Variants in ADAM33 observed in about 807,000 individuals in gnomAD.
ADAM33 encodes the protein ADAM metallopeptidase domain 33.
A neutral mutation model predicts 106.2 loss-of-function variants in ADAM33; 103 were observed. The ratio of observed to expected loss-of-function variants is 0.97; its 90% confidence interval spans 0.83 to 1.14. The LOEUF is 1.14. Among genes scored for constraint, ADAM33 ranks in the 50% most tolerant of loss-of-function variants. The pLI is 0.00. For missense variants in ADAM33, 1,120 were observed against 1,096.6 expected, an observed-to-expected ratio of 1.02 and a Z score of -0.30; for synonymous variants, 483 against 453.0, an observed-to-expected ratio of 1.07 and a Z score of -0.84.
chr20:3,671,309 C>T lies in ADAM33; in HGVS notation c.2020G>A (p.Gly674Ser). ...NSNHNCHCAP[G>S]WAPPFCDKPG... ...TTGTCACAGAAGGGTGGAGCCCAGC[C>T]TGGAGCACAGTGGCAGTTATGGTTG... The change falls in exon 18 of 22, where the codon GGC (glycine) becomes AGC (serine). Residue 674 changes from glycine (G) to serine (S), a missense_variant. Physicochemically the swap from Gly to Ser is moderately conservative, Grantham distance 56 (BLOSUM62 0). Transcript: ENST00000356518. The T allele has an allele frequency of 6.2e-7, 1 of 1,614,054 alleles. No individual in the cohort carries two copies. The highest frequency in any genetic ancestry group is 8.5e-7 in the Non-Finnish European group (1 of 1,179,996).
rs554093152 is a variant in ADAM33, at chr20:3,674,286, T to G, written c.601-2A>C. 1.2e-6 allele frequency: 2 copies of G among 1,613,860 alleles called. No homozygotes were observed. The highest frequency in any genetic ancestry group is 4.5e-5 in the East Asian group (2 of 44,886). ...GGTCCTGCGCGCTTCTCGCCTGCCC[T>G]GCGGAGGTGCAAATGGGGACCCTGA... On this transcript the variant is annotated splice_acceptor_variant, in intron 6 of 21. Transcript: ENST00000356518. LOFTEE classifies it high-confidence loss of function.
chr20:3,676,927 A>C (rs2088017591), intron 3 of ADAM33, 140 bp downstream of exon 3: 1 of 887,814 alleles, frequency 1.1e-6, no homozygotes. Flanking sequence ...GGAGCCAACC[A>C]CAGGCCTGCG....
At chr20:3,669,258 G>T in intron 21 of ADAM33, 41 bp downstream of exon 21, 1 of 1,524,844 alleles carries the variant, frequency 6.6e-7, no homozygotes, top group Non-Finnish European at 8.8e-7. Flanking sequence ...GGGAGGGTGG[G>T]CGATGAGAGG....
chr20:3,672,097 T>C, intron 14 of ADAM33, 37 bp downstream of exon 14: 1 of 1,597,998 alleles, frequency 6.3e-7, no homozygotes, highest in South Asian at 1.1e-5. Flanking sequence ...CACCAGAGGA[T>C]GGGGGGCAGG....
At chr20:3,680,671 C>G (rs1425724817) in intron 1 of ADAM33, among the ~76,000 whole-genome samples, 1 of 152,124 alleles carries the variant, frequency 6.6e-6, no homozygotes, top group Non-Finnish European at 1.5e-5. Context: ...GGTCTCTCAG[C>G]CCAGAGAGCA....
In ADAM33 at chr20:3,669,350, G is replaced by A; in HGVS notation, c.2353C>T (p.Pro785Ser). 2.5e-6 allele frequency: 4 copies of A among 1,605,124 alleles called. No individual in the cohort carries two copies. The highest frequency in any genetic ancestry group is 3.4e-6 in the Non-Finnish European group (4 of 1,177,776). The change falls in exon 21 of 22, where the codon CCC becomes TCC. Residue 785 changes from proline to serine, a missense_variant. Physicochemically the swap from Pro to Ser is moderately conservative, Grantham distance 74 (BLOSUM62 -1). Transcript: ENST00000356518. The stretch of plus-strand genomic sequence containing the variant: ...AGAGGCTTCTCAGGGTGGCTGCTGG[G>A]CTCATGAGAGTTCTCAGGGTCTGGG... ...WPLDPENSHE[P>S]SSHPEKPLPA...
chr20:3,674,468 C>T (rs2087801712), intron 6 of ADAM33, 36 bp downstream of exon 6: 1 of 1,609,382 alleles, frequency 6.2e-7, no homozygotes, highest in Admixed American at 1.7e-5. Flanking sequence ...GCTATAGATA[C>T]AGCATTCCCA....
In ADAM33 at chr20:3,668,870, G is replaced by T; in HGVS notation, c.*93C>A. The T allele has an allele frequency of 6.9e-7, 1 of 1,459,156 alleles. No individual in the cohort carries two copies. The highest frequency in any genetic ancestry group is 9.6e-7 in the Non-Finnish European group (1 of 1,042,664). 90.4% of individuals were successfully genotyped at this position (1,459,156 alleles called of 1,614,324 possible). On this transcript the variant is annotated 3_prime_UTR_variant, in exon 22 of 22. Transcript: ENST00000356518. ...GCTGCCTGCAGGTGCTGGAGGTCCGGTGATTCACTGGCTCTGCCCCTGCAG... is the reference window on the plus strand; with the variant it reads ...GCTGCCTGCAGGTGCTGGAGGTCCGTTGATTCACTGGCTCTGCCCCTGCAG...
At chr20:3,669,508 T>A in intron 20 of ADAM33, 38 bp downstream of exon 20, 1 of 1,549,688 alleles carries the variant, frequency 6.5e-7, no homozygotes, top group South Asian at 1.2e-5. Flanking sequence ...CCTTCCCTTC[T>A]CCCTTCCCTC....
chr20:3,681,813 TC>T, intron 1 of ADAM33, 94 bp downstream of exon 1: 1 of 1,467,976 alleles, frequency 6.8e-7, no homozygotes, highest in African/African-American at 1.5e-5. Flanking sequence ...CGTGAGACCC[TC>T]CGCGCGCTGA....
chr20:3,678,536 G>A (rs1483614246), intron 2 of ADAM33, among the ~76,000 whole-genome samples: 2 of 152,230 alleles, frequency 1.3e-5, no homozygotes, highest in East Asian at 1.9e-4. Flanking sequence ...ATGGGCCTAG[G>A]GGATCCCAGT....
chr20:3,671,821 C>G (rs1460056131), intron 15 of ADAM33, 42 bp from the exon 16 acceptor site: 1 of 1,551,694 alleles, frequency 6.4e-7, no homozygotes, highest in Admixed American at 2.0e-5. Context: ...GCAGTACCCC[C>G]CTTCCCCAAA....
chr20:3,673,028 C>T (rs2087658850), intron 11 of ADAM33, 130 bp from the exon 12 acceptor site: 2 of 1,434,438 alleles, frequency 1.4e-6, no homozygotes, highest in South Asian at 3.0e-5. Flanking sequence ...GTAACCCGCG[C>T]AAAGTCACAC....
In ADAM33 at chr20:3,674,081, C is replaced by A. The variant is rs1346760760; in HGVS notation, c.721G>T (p.Ala241Ser). ...CCCCCAACCTGGTCCACGTAGTTGG[C>A]GACTTCCAGGAGACGCTGTTTGGTG... ...NHTKQRLLEV[A>S]NYVDQLLRTL... Residue 241 changes from alanine to serine, a missense_variant, in exon 8 of 22, where the codon GCC becomes TCC. Ala to Ser is a moderately conservative substitution (Grantham distance 99). Coordinates refer to ENST00000356518, the MANE Select transcript of ADAM33 (RefSeq NM_025220.5). 7 of 1,614,072 alleles carry A rather than the reference C, an allele frequency of 4.3e-6. No individual in the cohort carries two copies. The highest frequency in any genetic ancestry group is 5.9e-6 in the Non-Finnish European group (7 of 1,180,044).
chr20:3,678,346 C>T (rs895197417), intron 2 of ADAM33, among the ~76,000 whole-genome samples: 1 of 152,326 alleles, frequency 6.6e-6, no homozygotes, highest in South Asian at 2.1e-4. Context: ...AGGGGCCCAC[C>T]GGTGGGGGAA....
In ADAM33 at chr20:3,673,372, ACGCAGCCTCCGGACTCGGC is replaced by A. The variant is rs754186489; in HGVS notation, c.1096_1114del (p.Ala366SerfsTer97). The A allele has an allele frequency of 3.2e-6, 5 of 1,540,594 alleles. No individual in the cohort carries two copies. The African/African-American group carries it at 4.1e-5, about 13-fold the overall frequency. ...CGCGTACCCGGTGGCCGCAGCCATG[ACGCAGCCTCCGGACTCGGC>A]CGCAGCCTCCACGCAGCAGCCGTCG... On this transcript the variant is annotated frameshift_variant, in exon 11 of 22. Coordinates refer to ENST00000356518, the MANE Select transcript of ADAM33 (RefSeq NM_025220.5). LOFTEE classifies it high-confidence loss of function.
In ADAM33 at chr20:3,675,664, C is replaced by A. The variant is rs539208334; in HGVS notation, c.255-559G>T. On this transcript the variant is annotated intron_variant, in intron 3 of 21. Coordinates refer to ENST00000356518, the MANE Select transcript of ADAM33 (RefSeq NM_025220.5). This position sits in a 1 kb window ranked among gnomAD's most constrained non-coding sequence, Gnocchi z 4.1. ...CCCCTGCCTCCAGAGAAAACAGAAT[C>A]GCCACCTGCCCACGCTGCTTCCACC... 2.6e-5 allele frequency among the ~76,000 whole-genome samples: 4 copies of A among 152,134 alleles called. No homozygotes were observed. The highest frequency in any genetic ancestry group is 4.4e-5 in the Non-Finnish European group (3 of 68,026).
At position 3,671,631 on chromosome 20, in the gene ADAM33, G is replaced by T; in HGVS notation, c.1855C>A (p.Leu619Met). 6.3e-7 allele frequency: 1 copy of T among 1,580,272 alleles called. No individual in the cohort carries two copies. The highest frequency in any genetic ancestry group is 8.6e-7 in the Non-Finnish European group (1 of 1,162,526). ...GGCTCTACCAGGCCCAGGCCAAGCA[G>T]GTCCAGCTGGGCACTGGGGAGTGCC... ...ALALPSAQLD[L>M]LGLGLVEPGT... Residue 619 changes from leucine to methionine, a missense_variant, in exon 16 of 22, where the codon CTG (leucine) becomes ATG (methionine). Transcript: ENST00000356518.
rs370718028 is a variant in ADAM33 at position 3,681,975 on chromosome 20, C to T, written c.30G>A (p.Gly10=). The change falls in exon 1 of 22, where the codon GGG becomes GGA. Residue 10 remains glycine (G), a synonymous_variant. Coordinates refer to ENST00000356518, the MANE Select transcript of ADAM33 (RefSeq NM_025220.5). ...GTAGTAGCAGCAGCAGCAACGGGGT[C>T]CCCCGAGCTCTCCGGGGCCTCCAGC... MGWRPRRAR[G]TPLLLLLLLL... 4.7e-5 allele frequency: 72 copies of T among 1,544,536 alleles called. No homozygotes were observed. The highest frequency in any genetic ancestry group is 5.7e-5 in the Non-Finnish European group (65 of 1,145,392).
Sources: allele counts gnomAD v4.1 joint callset (sites outside exome capture counted in the v4.1 genomes callset), GRCh38; gene constraint gnomAD v4.1.1; non-coding constraint Gnocchi (gnomAD v3.1); transcripts MANE v1.5; gene names NCBI Gene and HGNC (gene_info 2026-07-23, HGNC 2026-07-21).